The following FAM83D variants were observed in gnomAD, a reference collection of about 807,000 sequenced individuals.
The protein encoded by FAM83D is scaffolding CK1 anchoring protein D, also known as protein FAM83D.
Under a neutral mutation model 25.4 loss-of-function variants are expected in FAM83D, and 26 were observed. The observed-to-expected ratio is 1.02, with a 90% confidence interval of 0.75 to 1.42. The LOEUF is 1.42. FAM83D is among the 40% of genes most tolerant of loss of function. The probability of loss-of-function intolerance (pLI) is 0.00; values close to 1 mark genes in which losing one functional copy is unlikely to be tolerated. For synonymous variants in FAM83D, 310 were observed against 318.5 expected (o/e 0.97, Z 0.28); for missense variants, 740 against 758.1 (o/e 0.98, Z 0.28).
At chr20:38,929,542 G>A (rs1198946422) in intron 1 of FAM83D, among the ~76,000 whole-genome samples, 1 of 151,864 alleles carries the variant, frequency 6.6e-6, no homozygotes, top group Non-Finnish European at 1.5e-5. Flanking sequence ...GGAAGCTGGG[G>A]TAAGGGATGC....
intron 1 of FAM83D, among the ~76,000 whole-genome samples, chr20:38,930,221 A>G (rs185815567): frequency 3.9e-5 from 6 of 152,340 alleles, no homozygotes; most frequent in African/African-American, 1.4e-4. Context: ...GCTGTTCTGC[A>G]TCCGTGTTCT....
chr20:38,952,436 C>A lies in FAM83D; in HGVS notation c.1674C>A (p.Asn558Lys), dbSNP rs750930999. 5.6e-6 allele frequency: 9 copies of A among 1,614,084 alleles called. No homozygotes were observed. Among genetic ancestry groups the A allele is most frequent in the Non-Finnish European group, 7.6e-6 (9 of 1,180,042 alleles). ...CAAGGAGAACACTCTTTACTGAAAA[C>A]CACCTTGGCCTTCATTCTGGCAATT... ...MLSRRTLFTE[N>K]HLGLHSGNFS... is the part of the protein sequence containing the mutation. The change falls in exon 4 of 4, where the codon AAC (asparagine) becomes AAA (lysine). Residue 558 changes from asparagine (N) to lysine (K), a missense_variant. Coordinates refer to ENST00000619850, the MANE Select transcript of FAM83D (RefSeq NM_030919.3).
intron 1 of FAM83D, among the ~76,000 whole-genome samples, chr20:38,929,927 A>G (rs1348151009): frequency 1.3e-5 from 2 of 152,230 alleles, no homozygotes; most frequent in African/African-American, 2.4e-5. Context: ...CCCCGAAGTC[A>G]TGCAGCTAGA....
rs577717767 is a variant in FAM83D at position 38,926,439 on chromosome 20, C to T, written c.-4C>T. The T allele has an allele frequency of 2.7e-5, 43 of 1,598,352 alleles. No individual in the cohort carries two copies. Among genetic ancestry groups the T allele is most frequent in the Admixed American group, 5.0e-5 (3 of 59,766 alleles). On this transcript the variant is annotated 5_prime_UTR_variant, in exon 1 of 4. Transcript: ENST00000619850. ...TCCGAGGGCTGTCGAGTCCGAGCGCCGCCATGGCTCTGCTGTCCGAGGGCC... is the reference window on the plus strand; with the variant it reads ...TCCGAGGGCTGTCGAGTCCGAGCGCTGCCATGGCTCTGCTGTCCGAGGGCC...
intron 2 of FAM83D, 113 bp from the exon 3 acceptor site, chr20:38,947,763 G>A: frequency 7.6e-7 from 1 of 1,309,176 alleles, no homozygotes. Context: ...CCACGCATAT[G>A]CCAATAATTA....
chr20:38,951,530 ATCT>A lies in FAM83D; in HGVS notation c.777-7_777-5del. On this transcript the variant is annotated splice_region_variant and splice_polypyrimidine_tract_variant and intron_variant, in intron 3 of 3. Transcript: ENST00000619850. The stretch of plus-strand genomic sequence containing the variant: ...ACCAGCTGCTGTTTGTTTCTTTTTA[ATCT>A]TTAAGTTTTACATGGACGGATGGCA... 1 of 1,602,628 alleles carries A rather than the reference ATCT, an allele frequency of 6.2e-7. No individual in the cohort carries two copies. The highest frequency in any genetic ancestry group is 1.1e-5 in the South Asian group (1 of 89,614).
rs6015989 is a variant in FAM83D, at chr20:38,943,390, A to G, written c.651+1264A>G. Among the ~76,000 whole-genome samples, 1,274 of 152,308 alleles carry G rather than the reference A, an allele frequency of 8.4e-3. 19 individuals are homozygous for G. The highest frequency in any genetic ancestry group is 0.029 in the African/African-American group (1,224 of 41,556). On this transcript the variant is annotated intron_variant, in intron 2 of 3. Coordinates refer to ENST00000619850, the MANE Select transcript of FAM83D (RefSeq NM_030919.3). ...AAGCAGCCCCTATCAGGTAAGTGGCACCTGTGTTTTAGACCAGGAAATAGT... is the reference window on the plus strand; with the variant it reads ...AAGCAGCCCCTATCAGGTAAGTGGCGCCTGTGTTTTAGACCAGGAAATAGT...
intron 1 of FAM83D, among the ~76,000 whole-genome samples, chr20:38,933,907 T>C (rs1018085349): frequency 2.0e-5 from 3 of 151,018 alleles, no homozygotes; most frequent in African/African-American, 7.3e-5. Flanking sequence ...CAGGCTGGAG[T>C]GCAGTGGCAC....
chr20:38,931,123 A>C (rs2085657252), intron 1 of FAM83D, among the ~76,000 whole-genome samples: 1 of 152,228 alleles, frequency 6.6e-6, no homozygotes, highest in African/African-American at 2.4e-5. Context: ...GCCATGAGGA[A>C]GGATTGGAGC....
chr20:38,927,064 G>C, intron 1 of FAM83D, 139 bp downstream of exon 1: 2 of 1,365,370 alleles, frequency 1.5e-6, no homozygotes, highest in South Asian at 1.7e-5. Flanking sequence ...GGTGGTCCCA[G>C]GGTCTCCGAC....
At chr20:38,951,170 C>T (rs879838084) in intron 3 of FAM83D, among the ~76,000 whole-genome samples, 10 of 152,152 alleles carry the variant, frequency 6.6e-5, no homozygotes, top group Non-Finnish European at 1.3e-4. Context: ...GGTGAGGTGG[C>T]TCACACCTGT....
intron 1 of FAM83D, 84 bp downstream of exon 1, chr20:38,927,009 G>A (rs189202822): frequency 7.2e-7 from 1 of 1,398,368 alleles, no homozygotes; most frequent in Non-Finnish European, 9.2e-7. Context: ...GTACGGGCCG[G>A]GGCCACTACC....
At chr20:38,937,963 A>C (rs2085685437) in intron 1 of FAM83D, among the ~76,000 whole-genome samples, 3 of 152,212 alleles carry the variant, frequency 2.0e-5, no homozygotes, top group Admixed American at 2.0e-4. Context: ...ATCTCCAGAA[A>C]CAAAAAAATA....
At chr20:38,947,389 TTGAGGGTGAG>T (rs1485627207) in intron 2 of FAM83D, among the ~76,000 whole-genome samples, 1 of 152,174 alleles carries the variant, frequency 6.6e-6, no homozygotes, top group Non-Finnish European at 1.5e-5. Context: ...CATTATGGTG[TTGAGGGTGAG>T]TGAGGATGGA....
rs536026332 is a variant in FAM83D at position 38,941,925 on chromosome 20, G to A, written c.484-34G>A. On this transcript the variant is annotated intron_variant, in intron 1 of 3. Coordinates refer to ENST00000619850, the MANE Select transcript of FAM83D (RefSeq NM_030919.3). ...CGTGCTGTAAGGTGGTGTCCTATAA[G>A]CTTATCATGTGCTCTTCCCTGTTTC... 1.9e-6 allele frequency: 3 copies of A among 1,611,844 alleles called. No individual in the cohort carries two copies. The East Asian group carries it at 6.7e-5, about 36-fold the overall frequency.
At chr20:38,929,839 C>A (rs1267800023) in intron 1 of FAM83D, among the ~76,000 whole-genome samples, 1 of 151,032 alleles carries the variant, frequency 6.6e-6, no homozygotes, top group Non-Finnish European at 1.5e-5. Context: ...AGGCACTGTT[C>A]TAGGTGATCC....
At chr20:38,947,110 T>C (rs1484253507) in intron 2 of FAM83D, among the ~76,000 whole-genome samples, 1 of 152,222 alleles carries the variant, frequency 6.6e-6, no homozygotes, top group East Asian at 1.9e-4. Context: ...TCTAACGATA[T>C]AGAGCCACTG....
chr20:38,952,580 T>C lies in FAM83D; in HGVS notation c.*60T>C. 6.5e-6 allele frequency: 10 copies of C among 1,529,480 alleles called. No homozygotes were observed. Among genetic ancestry groups the C allele is most frequent in the Non-Finnish European group, 7.9e-6 (9 of 1,136,726 alleles). The allele number at this position is 1,529,480 out of a possible 1,614,324, so 94.7% of individuals were successfully genotyped here. On this transcript the variant is annotated 3_prime_UTR_variant, in exon 4 of 4. Transcript: ENST00000619850. ...CTTACAGTGGACATCATCAGCTTCC[T>C]GCTTTAAAAAATATCTTATGTCCCT...
At chr20:38,936,610 T>TATAA (rs2085680324) in intron 1 of FAM83D, among the ~76,000 whole-genome samples, 1 of 152,142 alleles carries the variant, frequency 6.6e-6, no homozygotes, top group Non-Finnish European at 1.5e-5. Context: ...GTTGGAATGA[T>TATAA]ATAAAATACT....
Sources: allele counts gnomAD v4.1 joint callset (sites outside exome capture counted in the v4.1 genomes callset), GRCh38; gene constraint gnomAD v4.1.1; transcripts MANE v1.5; gene names NCBI Gene and HGNC (gene_info 2026-07-23, HGNC 2026-07-21).